The following NCOA2 variants were observed in gnomAD, a reference collection of about 807,000 sequenced individuals.
NCOA2 encodes nuclear receptor coactivator 2, also known as class E basic helix-loop-helix protein 75.
A neutral mutation model predicts 145.1 loss-of-function variants in NCOA2; 21 were observed. The observed-to-expected ratio is 0.14, with a 90% CI of 0.10 to 0.21. The LOEUF (loss-of-function observed/expected upper bound fraction) is 0.21, where lower values mean the gene tolerates loss of function less well. Among genes scored for constraint, NCOA2 ranks in the 10% least tolerant of loss-of-function variants. NCOA2 has a pLI of 1.00. For synonymous variants in NCOA2, 619 were observed against 637.5 expected, an observed-to-expected ratio of 0.97 and a Z score of 0.44; for missense variants, 1,472 against 1,837.6, an observed-to-expected ratio of 0.80 and a Z score of 3.64.
chr8:70,373,045 A>C (rs1056467869), intron 1 of NCOA2, among the ~76,000 whole-genome samples: 3 of 152,192 alleles, frequency 2.0e-5, no homozygotes, highest in African/African-American at 7.2e-5. Context: ...ATCCAGTTTG[A>C]GAATATTATC....
chr8:70,324,560 T>C (rs1168899540), intron 1 of NCOA2, among the ~76,000 whole-genome samples: 2 of 151,814 alleles, frequency 1.3e-5, no homozygotes, highest in Admixed American at 6.6e-5. Flanking sequence ...AAGGCTGGTC[T>C]CAAACTCCTG....
intron 16 of NCOA2, among the ~76,000 whole-genome samples, chr8:70,130,943 T>C (rs948268613): frequency 6.6e-6 from 1 of 152,264 alleles, no homozygotes; most frequent in Admixed American, 6.5e-5. Flanking sequence ...TTCAAGGGAC[T>C]ATGTTAGGTT....
At chr8:70,447,890 G>A in the NCOA2 span, among the ~76,000 whole-genome samples, 1 of 151,922 alleles carries the variant, frequency 6.6e-6, no homozygotes, top group Non-Finnish European at 1.5e-5. Context: ...TCTCCATATT[G>A]CCCAGGCTGG....
In NCOA2 at chr8:70,403,789, T is replaced by C. The variant is rs2131886093; in HGVS notation, c.-166A>G. The C allele has an allele frequency of 2.5e-6, 1 of 397,714 alleles. No homozygotes were observed. The highest frequency in any genetic ancestry group is 6.3e-4 in the Middle Eastern group (1 of 1,590). The allele number at this position is 397,714 out of a possible 1,614,324, so 24.6% of individuals were successfully genotyped here. On this transcript the variant is annotated 5_prime_UTR_variant, in exon 1 of 23. Coordinates refer to ENST00000452400, the MANE Select transcript of NCOA2 (RefSeq NM_006540.4). ...TGTAGCCGAGGCTGCGGCCGCCATG[T>C]TCCCGTGTTAATAACTGCTGCCTGG... is the stretch of plus-strand genomic sequence containing the variant.
the NCOA2 span, among the ~76,000 whole-genome samples, chr8:70,431,284 C>A: frequency 2.0e-5 from 3 of 152,020 alleles, no homozygotes; most frequent in Admixed American, 2.0e-4. Context: ...TTGGAGGGTT[C>A]GCTTTTGCAT....
intron 1 of NCOA2, among the ~76,000 whole-genome samples, chr8:70,319,951 C>A (rs186441112): frequency 6.6e-6 from 1 of 152,076 alleles, no homozygotes; most frequent in African/African-American, 2.4e-5. Flanking sequence ...TTTAACTGTC[C>A]GATTTGTCAA....
At chr8:70,124,992 T>A in intron 19 of NCOA2, 127 bp from the exon 20 acceptor site, 1 of 648,572 alleles carries the variant, frequency 1.5e-6, no homozygotes, top group Non-Finnish European at 2.4e-6. Context: ...TATGATTGTG[T>A]ACTGATTAAT....
chr8:70,222,837 TA>T (rs1406942349), intron 2 of NCOA2, among the ~76,000 whole-genome samples: 1 of 152,164 alleles, frequency 6.6e-6, no homozygotes, highest in Non-Finnish European at 1.5e-5. Flanking sequence ...CCAGAATACA[TA>T]AGTAGCAGGG....
At chr8:70,219,058 T>C (rs1484489824) in intron 2 of NCOA2, among the ~76,000 whole-genome samples, 27 of 152,266 alleles carry the variant, frequency 1.8e-4, no homozygotes, top group Admixed American at 1.5e-3. Context: ...ATTTGCATCA[T>C]TTACCTGTGA....
intron 2 of NCOA2, among the ~76,000 whole-genome samples, chr8:70,222,641 G>A (rs1057212707): frequency 1.3e-5 from 2 of 152,186 alleles, no homozygotes; most frequent in Non-Finnish European, 1.5e-5. Flanking sequence ...TGGGAAGACT[G>A]TAATAAACAC....
intron 2 of NCOA2, among the ~76,000 whole-genome samples, chr8:70,282,475 C>T (rs1471977140): frequency 6.6e-6 from 1 of 152,122 alleles, no homozygotes; most frequent in African/African-American, 2.4e-5. Flanking sequence ...TACTGGAGGT[C>T]AGGAGTTCAA....
At chr8:70,115,151 T>A (rs1329096523) in intron 22 of NCOA2, among the ~76,000 whole-genome samples, 2 of 152,160 alleles carry the variant, frequency 1.3e-5, no homozygotes, top group African/African-American at 4.8e-5. Context: ...TATTTATTTA[T>A]TTATTTATTT....
chr8:70,417,866 T>C, the NCOA2 span, among the ~76,000 whole-genome samples: 1 of 152,216 alleles, frequency 6.6e-6, no homozygotes, highest in Non-Finnish European at 1.5e-5. Flanking sequence ...GCAATCAGAA[T>C]AAATCATTCC....
intron 21 of NCOA2, 143 bp downstream of exon 21, chr8:70,123,741 C>G: frequency 1.8e-6 from 1 of 561,416 alleles, no homozygotes; most frequent in Non-Finnish European, 3.0e-6. Flanking sequence ...GTCACTAACA[C>G]AGGTGAAGGG....
At chr8:70,139,496 T>C (rs1319204938) in intron 14 of NCOA2, among the ~76,000 whole-genome samples, 1 of 152,162 alleles carries the variant, frequency 6.6e-6, no homozygotes, top group Non-Finnish European at 1.5e-5. Context: ...GAATCACTCA[T>C]TAAGTACATT....
chr8:70,392,623 T>C (rs1813305948), intron 1 of NCOA2, among the ~76,000 whole-genome samples: 1 of 152,216 alleles, frequency 6.6e-6, no homozygotes, highest in African/African-American at 2.4e-5. Context: ...ACTTCTTCAA[T>C]GGAAATAGTT....
chr8:70,442,171 C>G, the NCOA2 span, among the ~76,000 whole-genome samples: 3 of 51,370 alleles, frequency 5.8e-5, no homozygotes, highest in Non-Finnish European at 1.8e-4. Flanking sequence ...AAGAGAAAGG[C>G]TGACTCTCAG....
In NCOA2 at chr8:70,126,918, T is replaced by G; in HGVS notation, c.3811A>C (p.Asn1271His). 6.2e-7 allele frequency: 1 copy of G among 1,613,984 alleles called. No individual in the cohort carries two copies. Among genetic ancestry groups the G allele is most frequent in the South Asian group, 1.1e-5 (1 of 91,074 alleles). Residue 1271 changes from asparagine (N) to histidine (H), a missense_variant, in exon 19 of 23, where the codon AAT (asparagine) becomes CAT (histidine). Physicochemically the swap from Asn to His is moderately conservative, Grantham distance 68. Coordinates refer to ENST00000452400, the MANE Select transcript of NCOA2 (RefSeq NM_006540.4). ...RTLMMRGQGLNMTPSMVAPSG... is the reference protein window; with the variant it reads ...RTLMMRGQGLHMTPSMVAPSG... Reference sequence around the variant, plus strand: ...GGAGCCACCATGCTTGGTGTCATATTCAACCCTTGTCCTCTCATCATCAAA... The same window carrying G: ...GGAGCCACCATGCTTGGTGTCATATGCAACCCTTGTCCTCTCATCATCAAA...
At chr8:70,159,235 TATATATA>T (rs1271715332) in intron 10 of NCOA2, among the ~76,000 whole-genome samples, 1 of 80,564 alleles carries the variant, frequency 1.2e-5, no homozygotes, top group African/African-American at 6.1e-5. Flanking sequence ...TATATATATA[TATATATA>T]TTTTTTTTTT....
Sources: allele counts gnomAD v4.1 joint callset (sites outside exome capture counted in the v4.1 genomes callset), GRCh38; gene constraint gnomAD v4.1.1; transcripts MANE v1.5; gene names NCBI Gene and HGNC (gene_info 2026-07-23, HGNC 2026-07-21).